TTBK2: variants seen among roughly 807,000 people sequenced by gnomAD.
The protein encoded by TTBK2 is tau-tubulin kinase 2.
In TTBK2, 28 loss-of-function variants were observed where a neutral mutation model predicts 110.8. That is an observed-to-expected ratio of 0.25 (90% CI 0.19 to 0.35). The LOEUF is 0.35. Ranked by LOEUF, TTBK2 falls within the 10% of genes least tolerant of loss-of-function variation. The pLI is 1.00. For synonymous variants in TTBK2, 532 were observed against 527.3 expected, an observed-to-expected ratio of 1.01 and a Z score of -0.12; for missense variants, 1,369 against 1,500.3, an observed-to-expected ratio of 0.91 and a Z score of 1.45.
rs1002397608 is a variant in TTBK2 at position 42,741,698 on chromosome 15, T to A, written c.*4097A>T. 5 of 152,224 alleles carry A rather than the reference T, an allele frequency of 3.3e-5. No individual in the cohort carries two copies. The highest frequency in any genetic ancestry group is 5.9e-5 in the Non-Finnish European group (4 of 68,044). 9.4% of individuals were successfully genotyped at this position (152,224 alleles called of 1,614,324 possible). On this transcript the variant is annotated 3_prime_UTR_variant, in exon 15 of 15. Coordinates refer to ENST00000267890, the MANE Select transcript of TTBK2 (RefSeq NM_173500.4). ...TTGATCAATATAAAGAATAAGTTTT[T>A]AAAATATAAAAGACTTTGATCTCCA... is the stretch of plus-strand genomic sequence containing the variant.
rs2061738068 is a variant in TTBK2 at position 42,739,569 on chromosome 15, C to T, written c.*6226G>A. ...GTATCAAGGAGAAGTAAGTGAGGCT[C>T]AAGCCCAGGCCACCTAGGCTGTGTT... On this transcript the variant is annotated 3_prime_UTR_variant, in exon 15 of 15. Transcript: ENST00000267890. 1.3e-5 allele frequency: 2 copies of T among 152,222 alleles called. No homozygotes were observed. The highest frequency in any genetic ancestry group is 2.9e-5 in the Non-Finnish European group (2 of 68,060). 9.4% of individuals were successfully genotyped at this position (152,222 alleles called of 1,614,324 possible).
intron 11 of TTBK2, among the ~76,000 whole-genome samples, chr15:42,782,841 C>A (rs1239499785): frequency 6.6e-6 from 1 of 152,018 alleles, no homozygotes; most frequent in African/African-American, 2.4e-5. Flanking sequence ...CTCGCATACA[C>A]GGATATCCAT....
intron 1 of TTBK2, among the ~76,000 whole-genome samples, chr15:42,912,253 G>A (rs931634102): frequency 6.6e-6 from 1 of 152,186 alleles, no homozygotes; most frequent in African/African-American, 2.4e-5. Context: ...CCCTTCAGGA[G>A]CTGGAGGATG....
chr15:42,806,981 T>G (rs1478697486), intron 9 of TTBK2, among the ~76,000 whole-genome samples: 1 of 152,206 alleles, frequency 6.6e-6, no homozygotes, highest in Admixed American at 6.5e-5. Flanking sequence ...GACCACTCTA[T>G]TTGATCGGAG....
At chr15:42,860,435 T>C (rs1894108480) in intron 3 of TTBK2, among the ~76,000 whole-genome samples, 2 of 150,952 alleles carry the variant, frequency 1.3e-5, no homozygotes, top group South Asian at 4.2e-4. Context: ...GCCTTACCTA[T>C]AGAGGAACAA....
intron 6 of TTBK2, among the ~76,000 whole-genome samples, chr15:42,823,437 AG>A (rs1304540365): frequency 6.6e-6 from 1 of 152,234 alleles, no homozygotes; most frequent in Non-Finnish European, 1.5e-5. Context: ...TAAAGAGTAG[AG>A]GCTGTCAAAA....
At position 42,831,022 on chromosome 15, in the gene TTBK2, A is replaced by G. The variant is rs903504815; in HGVS notation, c.292-944T>C. ...TCCATCTCAAAAAAAAAATGTATAT[A>G]TGTGTGTGTGTGTGTGTGTGTGTGT... On this transcript the variant is annotated intron_variant, in intron 4 of 14. Transcript: ENST00000267890. Among the ~76,000 whole-genome samples, 37 of 145,552 alleles carry G rather than the reference A, an allele frequency of 2.5e-4. 1 individual carries two copies. In the South Asian group the frequency reaches 2.9e-3, roughly 11 times the overall value.
At chr15:42,894,155 T>C (rs557500596) in intron 1 of TTBK2, among the ~76,000 whole-genome samples, 12 of 152,336 alleles carry the variant, frequency 7.9e-5, no homozygotes, top group African/African-American at 2.9e-4. Context: ...CTCTCTTGCC[T>C]GCTGCCATGT....
intron 3 of TTBK2, among the ~76,000 whole-genome samples, chr15:42,861,470 A>T (rs1237370358): frequency 6.6e-6 from 1 of 152,196 alleles, no homozygotes; most frequent in African/African-American, 2.4e-5. Flanking sequence ...AAATACATGG[A>T]AGTTAACCTA....
intron 1 of TTBK2, among the ~76,000 whole-genome samples, chr15:42,883,358 CAA>C (rs1184571443): frequency 8.2e-6 from 1 of 121,222 alleles, no homozygotes; most frequent in Non-Finnish European, 1.7e-5. Flanking sequence ...GCCTGGGTGA[CAA>C]GAGCGAAACT....
At chr15:42,797,978 G>C (rs1283257409) in intron 9 of TTBK2, among the ~76,000 whole-genome samples, 1 of 152,068 alleles carries the variant, frequency 6.6e-6, no homozygotes. Context: ...TCGCCTCCCG[G>C]GTTCAAGCGA....
chr15:42,883,640 T>A (rs569390991), intron 1 of TTBK2, among the ~76,000 whole-genome samples: 1 of 151,834 alleles, frequency 6.6e-6, no homozygotes, highest in African/African-American at 2.4e-5. Flanking sequence ...TACCAAAACA[T>A]GTTAAGATAA....
chr15:42,892,704 C>CAAA (rs35331798), intron 1 of TTBK2, among the ~76,000 whole-genome samples: 53 of 37,866 alleles, frequency 1.4e-3, no homozygotes, highest in African/African-American at 1.8e-3. Flanking sequence ...GACCCTGTCT[C>CAAA]AAAAAAAAAA....
chr15:42,748,274 T>A (rs2061821931), intron 14 of TTBK2, among the ~76,000 whole-genome samples: 1 of 151,968 alleles, frequency 6.6e-6, no homozygotes, highest in African/African-American at 2.4e-5. Flanking sequence ...CTGGCCAACA[T>A]GGCGAAACCC....
chr15:42,859,274 T>C (rs139431187), intron 3 of TTBK2, among the ~76,000 whole-genome samples: 1,983 of 152,144 alleles, frequency 0.013, 19 homozygotes, highest in Middle Eastern at 0.027. Context: ...GTCCAGATAA[T>C]TTTTTGTATG....
intron 1 of TTBK2, among the ~76,000 whole-genome samples, chr15:42,882,999 T>G (rs1409836550): frequency 2.6e-5 from 4 of 151,726 alleles, no homozygotes; most frequent in Non-Finnish European, 5.9e-5. Flanking sequence ...TCCTCTTGAG[T>G]TCTCAAAAAT....
rs1404931829 is a variant in TTBK2 at position 42,763,121 on chromosome 15, CATATATATACATATATACATACATAT to C, written c.1999-9900_1999-9875del. On this transcript the variant is annotated intron_variant, in intron 13 of 14. Transcript: ENST00000267890. ...ATATATACGTATATATATATATACA[CATATATATACATATATACATACATAT>C]ATATATATACATATATATATATATA... 2.0e-3 allele frequency among the ~76,000 whole-genome samples: 174 copies of C among 86,254 alleles called. 2 individuals carry two copies. The highest frequency in any genetic ancestry group is 8.6e-3 in the Middle Eastern group (1 of 116). The allele number at this position is 86,254 out of a possible 152,430, so 56.6% of individuals were successfully genotyped here.
At chr15:42,878,119 C>A (rs563116046) in intron 2 of TTBK2, among the ~76,000 whole-genome samples, 49 of 148,990 alleles carry the variant, frequency 3.3e-4, no homozygotes, top group East Asian at 3.1e-3. Context: ...GGACTACAGG[C>A]GCCTGCACCA....
intron 4 of TTBK2, among the ~76,000 whole-genome samples, chr15:42,834,596 C>T (rs1892914473): frequency 6.6e-6 from 1 of 152,068 alleles, no homozygotes; most frequent in East Asian, 1.9e-4. Context: ...AAAGAAGCCC[C>T]TGTAGCAAAA....
Sources: allele counts gnomAD v4.1 joint callset (sites outside exome capture counted in the v4.1 genomes callset), GRCh38; gene constraint gnomAD v4.1.1; transcripts MANE v1.5; gene names NCBI Gene and HGNC (gene_info 2026-07-23, HGNC 2026-07-21).